SERPINA12: variants seen among roughly 807,000 people sequenced by gnomAD.
The protein encoded by SERPINA12 is serpin A12.
SERPINA12 carries 21 observed loss-of-function variants against 25.9 expected under a neutral mutation model. The ratio of observed to expected loss-of-function variants is 0.81; its 90% confidence interval spans 0.58 to 1.17. The LOEUF (loss-of-function observed/expected upper bound fraction) is 1.17. Among genes scored for constraint, SERPINA12 ranks in the 50% most tolerant of loss-of-function variants. SERPINA12 has a pLI of 0.00. For missense variants in SERPINA12, 562 were observed against 508.3 expected (o/e 1.11, Z -1.02); for synonymous variants, 220 against 196.0 (o/e 1.12, Z -1.02).
At chr14:94,498,587 C>A (rs1405525461) in intron 1 of SERPINA12, among the ~76,000 whole-genome samples, 157 bp from the exon 2 acceptor site, 1 of 152,128 alleles carries the variant, frequency 6.6e-6, no homozygotes. Context: ...TTTATAATCA[C>A]CCTGGGGACT....
chr14:94,515,680 TGCGG>T (rs1901215197), intron 2 of SERPINA12: 2 of 121,322 alleles, frequency 1.6e-5, no homozygotes, highest in Non-Finnish European at 4.0e-5. Context: ...GCAGTGCAGA[TGCGG>T]GCAAACAGTG....
At chr14:94,505,973 C>G (rs1900918078) in intron 1 of SERPINA12, among the ~76,000 whole-genome samples, 1 of 152,158 alleles carries the variant, frequency 6.6e-6, no homozygotes. Flanking sequence ...CTGTGGAGAG[C>G]AGTGAAGGAT....
chr14:94,490,694 C>T (rs1036789970), intron 3 of SERPINA12, among the ~76,000 whole-genome samples: 16 of 152,132 alleles, frequency 1.1e-4, no homozygotes, highest in African/African-American at 3.6e-4. Flanking sequence ...CCACTCCCTC[C>T]CACAATTGCC....
At chr14:94,493,684 T>C (rs1341284629) in intron 3 of SERPINA12, among the ~76,000 whole-genome samples, 1 of 152,172 alleles carries the variant, frequency 6.6e-6, no homozygotes, top group African/African-American at 2.4e-5. Flanking sequence ...CAGCTTACAC[T>C]TGGACTTCAC....
chr14:94,504,072 C>G (rs911035711), intron 1 of SERPINA12: 3 of 152,250 alleles, frequency 2.0e-5, no homozygotes, highest in African/African-American at 7.2e-5. Context: ...CTGAAGCAAG[C>G]TTCGTGTGGA....
intron 1 of SERPINA12, among the ~76,000 whole-genome samples, chr14:94,499,588 T>C (rs1900625285): frequency 6.6e-6 from 1 of 152,268 alleles, no homozygotes; most frequent in Admixed American, 6.5e-5. Flanking sequence ...CTGTAATTTA[T>C]ATCTTACATG....
intron 3 of SERPINA12, among the ~76,000 whole-genome samples, chr14:94,495,213 C>T (rs954198740): frequency 2.0e-5 from 3 of 150,248 alleles, no homozygotes; most frequent in African/African-American, 4.9e-5. Flanking sequence ...GGACTACAGG[C>T]GCCCGCCACT....
At chr14:94,514,251 C>T (rs546389733), upstream of SERPINA12, among the ~76,000 whole-genome samples, 9 of 152,222 alleles carry the variant, frequency 5.9e-5, no homozygotes, top group South Asian at 2.1e-4. Context: ...ATGACAGAGA[C>T]GGTTGTTTTT....
chr14:94,511,324 A>G, upstream of SERPINA12: 1 of 791,816 alleles, frequency 1.3e-6, no homozygotes, highest in African/African-American at 1.9e-5. Flanking sequence ...TATACAGATG[A>G]GAAAGCTGAG....
chr14:94,488,920 C>T (rs1393166395), intron 4 of SERPINA12, among the ~76,000 whole-genome samples: 1 of 152,080 alleles, frequency 6.6e-6, no homozygotes, highest in Non-Finnish European at 1.5e-5. Context: ...CATGGTGAAA[C>T]CCTGTCTCTA....
chr14:94,496,450 A>G lies in SERPINA12; in HGVS notation c.828T>C (p.Asp276=). Residue 276 remains aspartate, a synonymous_variant, in exon 3 of 5, where the codon GAT becomes GAC. Transcript: ENST00000677451. The part of the protein sequence containing the change: ...KNITAIFILP[D]EGKLKHLEKG... ...TCTCCAAGTGCTTCAGCTTGCCCTC[A>G]TCAGGAAGGATGAAGATGGCTGTGA... 2 of 1,614,184 alleles carry G rather than the reference A, an allele frequency of 1.2e-6. No homozygotes were observed. Among genetic ancestry groups the G allele is most frequent in the East Asian group, 2.2e-5 (1 of 44,866 alleles).
chr14:94,497,914 T>A lies in SERPINA12; in HGVS notation c.484A>T (p.Thr162Ser). 2 of 1,614,224 alleles carry A rather than the reference T, an allele frequency of 1.2e-6. No individual in the cohort carries two copies. Among genetic ancestry groups the A allele is most frequent in the Non-Finnish European group, 8.5e-7 (1 of 1,180,048 alleles). The change falls in exon 2 of 5, where the codon ACC becomes TCC. Residue 162 changes from threonine to serine, a missense_variant. Thr to Ser is a moderately conservative substitution (Grantham distance 58). Transcript: ENST00000677451. ...EDAKNFYSAE[T>S]ILTNFQNLEM... ...AAATTCTGAAAGTTGGTAAGGATGG[T>A]TTCGGCACTGTAAAAGTTCTTGGCA...
At chr14:94,504,458 C>T (rs1032571124) in intron 1 of SERPINA12, among the ~76,000 whole-genome samples, 1 of 152,216 alleles carries the variant, frequency 6.6e-6, no homozygotes, top group Admixed American at 6.5e-5. Flanking sequence ...GCCTAGAGTC[C>T]TAATACTGAA....
Position 94,487,420 on chromosome 14 carries a change from C to G in SERPINA12, c.1128G>C (p.Leu376=), listed in dbSNP as rs1460157879. ...TGACGACGAGTGGTGTCTCCATGGG[C>G]AGAGTCTGTGCTCCGGTGCCAGCGG... The part of the protein sequence containing the change: ...EGAAGTGAQT[L]PMETPLVVKI... Residue 376 remains leucine, a synonymous_variant, in exon 5 of 5, where the codon CTG becomes CTC. Transcript: ENST00000677451. 1.2e-6 allele frequency: 2 copies of G among 1,614,144 alleles called. No individual in the cohort carries two copies. The highest frequency in any genetic ancestry group is 1.7e-6 in the Non-Finnish European group (2 of 1,180,026).
chr14:94,493,941 G>C (rs534512129), intron 3 of SERPINA12, among the ~76,000 whole-genome samples: 40 of 152,346 alleles, frequency 2.6e-4, no homozygotes, highest in African/African-American at 9.4e-4. Context: ...GCTGCAGAGG[G>C]CCTCAGTGAG....
At chr14:94,515,479 G>A (rs746953855) in intron 2 of SERPINA12, among the ~76,000 whole-genome samples, 6 of 152,160 alleles carry the variant, frequency 3.9e-5, no homozygotes, top group African/African-American at 1.2e-4. Flanking sequence ...CAGCATCTCC[G>A]TGGACGGGGA....
In SERPINA12 at chr14:94,498,380, G is replaced by A. The variant is rs1474973468; in HGVS notation, c.18C>T (p.Gly6=). 2 of 1,613,480 alleles carry A rather than the reference G, an allele frequency of 1.2e-6. No homozygotes were observed. Among genetic ancestry groups the A allele is most frequent in the African/African-American group, 1.3e-5 (1 of 74,818 alleles). Reference sequence around the variant, plus strand: ...GGAGAACAGCCAGAAAAATGGCCAGGCCTAGTGTGGGGTTCATTTTCCTTG... The same window carrying A: ...GGAGAACAGCCAGAAAAATGGCCAGACCTAGTGTGGGGTTCATTTTCCTTG... MNPTL[G]LAIFLAVLLT... The change falls in exon 2 of 5, where the codon GGC becomes GGT. Residue 6 remains glycine, a synonymous_variant. Coordinates refer to ENST00000677451, the MANE Select transcript of SERPINA12 (RefSeq NM_001382267.1).
chr14:94,506,615 T>A lies in SERPINA12; in HGVS notation c.-34+2727A>T, dbSNP rs142398692. On this transcript the variant is annotated intron_variant, in intron 1 of 4. Coordinates refer to ENST00000677451, the MANE Select transcript of SERPINA12 (RefSeq NM_001382267.1). ...GCCTCCAGAAATTGTATATGTGACT[T>A]TGGGCTTCTGGTTCTTTAATTGCAA... Among the ~76,000 whole-genome samples, 719 of 152,314 alleles carry A rather than the reference T, an allele frequency of 4.7e-3. 7 individuals are homozygous for A. Among genetic ancestry groups the A allele is most frequent in the African/African-American group, 0.017 (697 of 41,566 alleles).
chr14:94,501,410 AC>A (rs1335792031), intron 1 of SERPINA12, among the ~76,000 whole-genome samples: 1 of 152,196 alleles, frequency 6.6e-6, no homozygotes, highest in African/African-American at 2.4e-5. Context: ...ACTCTGTGGC[AC>A]GCACAGCTTT....
Sources: gnomAD v4.1 joint callset for allele counts (sites outside exome capture counted in the v4.1 genomes callset) on GRCh38, gnomAD v4.1.1 for gene constraint, MANE v1.5 for transcripts, NCBI Gene and HGNC (gene_info 2026-07-23, HGNC 2026-07-21) for gene names.